Variants in PCDHGA2 observed in about 807,000 individuals in gnomAD.
The protein encoded by PCDHGA2 is protocadherin gamma-A2.
A neutral mutation model predicts 59.2 loss-of-function variants in PCDHGA2; 40 were observed. The observed-to-expected ratio is 0.68, with a 90% CI of 0.52 to 0.88. PCDHGA2 has a LOEUF of 0.88. PCDHGA2 is among the 40% of genes least tolerant of loss of function. The pLI is 0.00. For missense variants in PCDHGA2, 1,226 were observed against 1,204.0 expected (o/e 1.02, Z -0.27); for synonymous variants, 560 against 526.0 (o/e 1.06, Z -0.89).
Position 141,339,963 on chromosome 5 carries a change from C to A in PCDHGA2, c.992C>A (p.Ala331Glu), listed in dbSNP as rs767074636. ...GATGGTCCGGGCCTTCTAACCAGAG[C>A]GAAGGTTATCGTCACGGTTCTGGAT... is the stretch of plus-strand genomic sequence containing the variant. ...AQDGPGLLTR[A>E]KVIVTVLDVN... Residue 331 changes from alanine (A) to glutamate (E), a missense_variant, in exon 1 of 4, where the codon GCG becomes GAG. Physicochemically the swap from Ala to Glu is moderately radical, Grantham distance 107. Transcript: ENST00000394576. 4.0e-5 allele frequency: 64 copies of A among 1,613,874 alleles called. No individual in the cohort carries two copies. Among genetic ancestry groups the A allele is most frequent in the Non-Finnish European group, 5.0e-5 (59 of 1,179,942 alleles).
At chr5:141,418,479 C>G (rs375821205) in intron 1 of PCDHGA2, 3 of 1,614,010 alleles carry the variant, frequency 1.9e-6, no homozygotes, top group Non-Finnish European at 1.7e-6. Context: ...ACGCAGAGCG[C>G]TCACCACTTG....
At chr5:141,464,413 A>G (rs2099083422) in intron 1 of PCDHGA2, among the ~76,000 whole-genome samples, 1 of 151,632 alleles carries the variant, frequency 6.6e-6, no homozygotes, top group African/African-American at 2.4e-5. Context: ...ATATATATAT[A>G]TCTATATATA....
chr5:141,416,109 A>C (rs1365438751), intron 1 of PCDHGA2: 5 of 157,286 alleles, frequency 3.2e-5, no homozygotes, highest in African/African-American at 1.2e-4. Context: ...GCCTTTTTCA[A>C]ACTACATTTT....
intron 1 of PCDHGA2, chr5:141,413,489 G>A (rs937434384): frequency 1.9e-6 from 3 of 1,614,036 alleles, no homozygotes; most frequent in Admixed American, 1.7e-5. Context: ...CAGAGCGCGC[G>A]GTGCGTGGTG....
In PCDHGA2 at chr5:141,489,077, C is replaced by CCCCCCACCGGG; in HGVS notation, c.2425-5730_2425-5729insCCCCCACCGGG. ...AGCTCCCCTCCCCCCTGCCCACCCCCGCCACTCGGTGACTAAGAACTGCTG... is the reference window on the plus strand; with the variant it reads ...AGCTCCCCTCCCCCCTGCCCACCCCCCCCCCACCGGGGCCACTCGGTGACTAAGAACTGCTG... On this transcript the variant is annotated intron_variant, in intron 1 of 3. Transcript: ENST00000394576. The surrounding 1 kb of genome is among the most constrained non-coding windows in gnomAD (Gnocchi z 4.5). 6.1e-6 allele frequency: 2 copies of CCCCCCACCGGG among 325,756 alleles called. No individual in the cohort carries two copies. Among genetic ancestry groups the CCCCCCACCGGG allele is most frequent in the Non-Finnish European group, 5.5e-6 (1 of 181,460 alleles). The allele number at this position is 325,756 out of a possible 1,614,324, so 20.2% of individuals were successfully genotyped here.
Position 141,511,908 on chromosome 5 carries a change from A to T in PCDHGA2, c.*735A>T, listed in dbSNP as rs528200582. The T allele has an allele frequency of 4.5e-5, 7 of 156,536 alleles. No homozygotes were observed. The highest frequency in any genetic ancestry group is 1.9e-4 in the East Asian group (1 of 5,250). The allele number at this position is 156,536 out of a possible 1,614,324, so 9.7% of individuals were successfully genotyped here. A position where few individuals can be genotyped will look rare whatever the true frequency, so the allele number is the denominator to read the frequency against. On this transcript the variant is annotated 3_prime_UTR_variant, in exon 4 of 4. Transcript: ENST00000394576. ...GACTTCCCCCACCTCCTCCTCAAAC[A>T]AGAGACTCCACTGCATGTTCCAAGA...
chr5:141,352,573 T>C (rs1759048965), intron 1 of PCDHGA2: 2 of 1,613,758 alleles, frequency 1.2e-6, no homozygotes, highest in African/African-American at 2.7e-5. Flanking sequence ...CGGAAATGGC[T>C]CCCCCTCAGG....
chr5:141,384,547 C>T (rs1780195966), intron 1 of PCDHGA2: 15 of 1,614,252 alleles, frequency 9.3e-6, no homozygotes, highest in Non-Finnish European at 1.3e-5. Flanking sequence ...GTCACTGAGC[C>T]TGTTCGTGCT....
intron 1 of PCDHGA2, chr5:141,357,694 A>G (rs756497559): frequency 3.9e-6 from 6 of 1,521,212 alleles, no homozygotes; most frequent in Middle Eastern, 1.7e-4. Flanking sequence ...CTCTCATTTT[A>G]TATGTAATAT....
At chr5:141,398,683 C>T (rs910361681) in intron 1 of PCDHGA2, 1 of 1,613,796 alleles carries the variant, frequency 6.2e-7, no homozygotes, top group African/African-American at 1.3e-5. Flanking sequence ...TAAGGAGAAA[C>T]AGGATGGTAG....
chr5:141,389,378 G>A (rs574837458), intron 1 of PCDHGA2: 4 of 1,613,766 alleles, frequency 2.5e-6, no homozygotes, highest in African/African-American at 2.7e-5. Flanking sequence ...AGCAGCGGGA[G>A]CTGTCATCCT....
chr5:141,364,722 C>G lies in PCDHGA2; in HGVS notation c.2424+23327C>G, dbSNP rs779536020. The G allele has an allele frequency of 8.1e-6, 13 of 1,613,884 alleles. No individual in the cohort carries two copies. The South Asian group carries it at 1.4e-4, about 18-fold the overall frequency. ...ATAATCGATATTAATGATAACTTCC[C>G]GCGTTTCCGGGATGAAGAGTTAAAA... is the stretch of plus-strand genomic sequence containing the variant. On this transcript the variant is annotated intron_variant, in intron 1 of 3. Transcript: ENST00000394576.
intron 2 of PCDHGA2, among the ~76,000 whole-genome samples, chr5:141,497,879 G>A (rs62379207): frequency 4.6e-4 from 70 of 152,244 alleles, no homozygotes; most frequent in Non-Finnish European, 8.2e-4. Flanking sequence ...TGAAATAAGC[G>A]TTAGGATCTA....
chr5:141,395,019 C>T (rs374672662), intron 1 of PCDHGA2: 5 of 1,613,986 alleles, frequency 3.1e-6, no homozygotes, highest in South Asian at 1.1e-5. Context: ...GGTAGGCGTG[C>T]CTGCCTCACA....
At chr5:141,506,563 C>T (rs925780739) in intron 3 of PCDHGA2, among the ~76,000 whole-genome samples, 2 of 152,062 alleles carry the variant, frequency 1.3e-5, no homozygotes, top group Non-Finnish European at 2.9e-5. Context: ...TAAACCCCCT[C>T]GGTTTCACTT....
intron 1 of PCDHGA2, chr5:141,351,544 T>C (rs765303691): frequency 5.3e-5 from 86 of 1,613,842 alleles, no homozygotes; most frequent in Non-Finnish European, 7.1e-5. Context: ...AACCAGCCCT[T>C]TCCTCCAGGA....
At chr5:141,509,322 C>G (rs563556144) in intron 3 of PCDHGA2, among the ~76,000 whole-genome samples, 1 of 152,318 alleles carries the variant, frequency 6.6e-6, no homozygotes, top group East Asian at 1.9e-4. Flanking sequence ...GAGAGAAGCT[C>G]TACTGCCAGC....
rs549829392 is a variant in PCDHGA2 at position 141,403,606 on chromosome 5, C to T, written c.2424+62211C>T. The T allele has an allele frequency of 3.1e-5, 50 of 1,613,710 alleles. No homozygotes were observed. The East Asian group carries it at 8.5e-4, about 27-fold the overall frequency. Reference sequence around the variant, plus strand: ...TGGTCCTCACGGCCTCGGATGGCGGCGAGCCGCGTCGCTCCAGCACAGTGC... The same window carrying T: ...TGGTCCTCACGGCCTCGGATGGCGGTGAGCCGCGTCGCTCCAGCACAGTGC... On this transcript the variant is annotated intron_variant, in intron 1 of 3. Coordinates refer to ENST00000394576, the MANE Select transcript of PCDHGA2 (RefSeq NM_018915.4).
chr5:141,475,381 T>G (rs1182018899), intron 1 of PCDHGA2, among the ~76,000 whole-genome samples: 3 of 152,226 alleles, frequency 2.0e-5, no homozygotes, highest in Non-Finnish European at 4.4e-5. Flanking sequence ...ACTTTTAAAT[T>G]TTATAAGCCA....
Sources: allele counts gnomAD v4.1 joint callset (sites outside exome capture counted in the v4.1 genomes callset), GRCh38; gene constraint gnomAD v4.1.1; non-coding constraint Gnocchi (gnomAD v3.1); transcripts MANE v1.5; gene names NCBI Gene and HGNC (gene_info 2026-07-23, HGNC 2026-07-21).